The following EIF3E variants were observed in gnomAD, a reference collection of about 807,000 sequenced individuals.
EIF3E encodes the protein eukaryotic translation initiation factor 3 subunit E.
In EIF3E, 25 loss-of-function variants were observed where a neutral mutation model predicts 59.3. That is an observed-to-expected ratio of 0.42 (90% CI 0.31 to 0.59). The LOEUF is 0.59. EIF3E is among the 20% of genes least tolerant of loss of function. The pLI, the probability that EIF3E is intolerant of heterozygous loss-of-function variation, is 0.15. For synonymous variants in EIF3E, 176 were observed against 170.2 expected, an observed-to-expected ratio of 1.03 and a Z score of -0.26; for missense variants, 317 against 534.3, an observed-to-expected ratio of 0.59 and a Z score of 4.01.
At chr8:108,238,241 G>A (rs1471929670) in intron 3 of EIF3E, among the ~76,000 whole-genome samples, 1 of 152,150 alleles carries the variant, frequency 6.6e-6, no homozygotes, top group African/African-American at 2.4e-5. Flanking sequence ...CTCTGTCTAT[G>A]CGCATGATGT....
At chr8:108,242,130 A>G (rs991662412) in intron 1 of EIF3E, 1 of 1,431,904 alleles carries the variant, frequency 7.0e-7, no homozygotes, top group Non-Finnish European at 9.2e-7. Flanking sequence ...TTTAAAATGA[A>G]GAGAATTACT....
chr8:108,231,272 TTA>T (rs1332322887), intron 5 of EIF3E, among the ~76,000 whole-genome samples: 1 of 152,140 alleles, frequency 6.6e-6, no homozygotes, highest in African/African-American at 2.4e-5. Context: ...CATTATTATT[TTA>T]TGTTTCTAAA....
At chr8:108,245,216 C>A (rs900479012) in intron 1 of EIF3E, among the ~76,000 whole-genome samples, 3 of 152,008 alleles carry the variant, frequency 2.0e-5, no homozygotes, top group Admixed American at 2.0e-4. Context: ...TCTGTAATCC[C>A]AGCACTTTGC....
At chr8:108,204,746 T>TATATATATAGAG (rs1354950271) in intron 10 of EIF3E, among the ~76,000 whole-genome samples, 31 of 113,644 alleles carry the variant, frequency 2.7e-4, no homozygotes, top group East Asian at 8.6e-4. Flanking sequence ...TATATATATA[T>TATATATATAGAG]AGAGAGAGAG....
rs35642365 is a variant in EIF3E, at chr8:108,218,782, CTT to C, written c.723-1324_723-1323del. On this transcript the variant is annotated intron_variant, in intron 7 of 12. Transcript: ENST00000220849. ...GTGATTTTATTTTTTTATTTTATTT[CTT>C]TTTTTTTTTTTTTTTTTGAGACGAA... 6.9e-3 allele frequency among the ~76,000 whole-genome samples: 772 copies of C among 111,112 alleles called. 7 individuals carry two copies. The highest frequency in any genetic ancestry group is 0.024 in the African/African-American group (678 of 28,684). The allele number at this position is 111,112 out of a possible 152,430, so 72.9% of individuals were successfully genotyped here.
intron 5 of EIF3E, chr8:108,229,480 T>C (rs1481954547): frequency 9.6e-6 from 2 of 209,174 alleles, no homozygotes; most frequent in Non-Finnish European, 1.9e-5. Context: ...AGATAATTTA[T>C]ACATAACTAA....
chr8:108,248,690 C>T lies in EIF3E; in HGVS notation c.13G>A (p.Asp5Asn). The change falls in exon 1 of 13, where the codon GAC (aspartate) becomes AAC (asparagine). Residue 5 changes from aspartate to asparagine, a missense_variant. This residue lies in a region of EIF3E where 30 missense variants were observed against 22.2 expected (regional missense o/e 1.35). Coordinates refer to ENST00000220849, the MANE Select transcript of EIF3E (RefSeq NM_001568.3). ...AAGTGCGCGATGCGAGTAGTCAAGT[C>T]GTACTCCGCCATCTTGCCAAAGAAA... MAEY[D>N]LTTRIAHFLD... 1 of 1,614,168 alleles carries T rather than the reference C, an allele frequency of 6.2e-7. No individual in the cohort carries two copies. Among genetic ancestry groups the T allele is most frequent in the Non-Finnish European group, 8.5e-7 (1 of 1,180,022 alleles).
At position 108,234,954 on chromosome 8, in the gene EIF3E, A is replaced by G. The variant is rs747821965; in HGVS notation, c.471+44T>C. The stretch of plus-strand genomic sequence containing the variant: ...TTTTGAAGAACCAAGGGAATCCTAC[A>G]AAAGACAAAAAAAAAAAAAAAAAAA... On this transcript the variant is annotated intron_variant, in intron 5 of 12. Transcript: ENST00000220849. 8 of 1,300,004 alleles carry G rather than the reference A, an allele frequency of 6.2e-6. No individual in the cohort carries two copies. The Admixed American group carries it at 1.5e-4, about 25-fold the overall frequency. 80.5% of individuals were successfully genotyped at this position (1,300,004 alleles called of 1,614,324 possible).
intron 7 of EIF3E, among the ~76,000 whole-genome samples, chr8:108,219,209 C>T (rs1586197628): frequency 1.3e-5 from 2 of 152,116 alleles, no homozygotes; most frequent in Admixed American, 1.3e-4. Context: ...TTTTACTTAT[C>T]CTGAGTTTAT....
At chr8:108,206,368 C>A (rs1815100671) in intron 10 of EIF3E, among the ~76,000 whole-genome samples, 1 of 152,016 alleles carries the variant, frequency 6.6e-6, no homozygotes. Flanking sequence ...GTGGAAGGAC[C>A]TATGTATGTG....
chr8:108,210,842 C>T lies in EIF3E; in HGVS notation c.1061+3765G>A, dbSNP rs917024045. Among the ~76,000 whole-genome samples, 22 of 151,742 alleles carry T rather than the reference C, an allele frequency of 1.4e-4. No individual in the cohort carries two copies. The East Asian group carries it at 1.5e-3, about 11-fold the overall frequency. On this transcript the variant is annotated intron_variant, in intron 10 of 12. Coordinates refer to ENST00000220849, the MANE Select transcript of EIF3E (RefSeq NM_001568.3). ...ATTCCCACCTATGAGTGAGAACATGCGGTGTTTGGTTTTCTGTCCTTGTGA... is the reference window on the plus strand; with the variant it reads ...ATTCCCACCTATGAGTGAGAACATGTGGTGTTTGGTTTTCTGTCCTTGTGA...
chr8:108,215,797 G>A (rs1299499819), intron 9 of EIF3E, among the ~76,000 whole-genome samples: 1 of 152,134 alleles, frequency 6.6e-6, no homozygotes, highest in African/African-American at 2.4e-5. Context: ...TTAGCAGTTA[G>A]AATTCTTAGT....
At chr8:108,221,484 TTACC>T (rs1815412069) in intron 7 of EIF3E, 1 of 152,210 alleles carries the variant, frequency 6.6e-6, no homozygotes, top group African/African-American at 2.4e-5. Flanking sequence ...TATTATTAGC[TTACC>T]TACAGTGTCA....
intron 3 of EIF3E, among the ~76,000 whole-genome samples, chr8:108,239,305 C>A (rs1279364874): frequency 6.6e-6 from 1 of 152,162 alleles, no homozygotes; most frequent in African/African-American, 2.4e-5. Context: ...ACCTCAGCCT[C>A]CCAAGTAGCA....
chr8:108,248,669 G>T lies in EIF3E; in HGVS notation c.34C>A (p.His12Asn), dbSNP rs1815996870. 7 of 1,614,196 alleles carry T rather than the reference G, an allele frequency of 4.3e-6. No individual in the cohort carries two copies. Among genetic ancestry groups the T allele is most frequent in the African/African-American group, 1.3e-5 (1 of 75,052 alleles). ...AEYDLTTRIA[H>N]FLDRHLVFPL... ...AAGACTAGATGCCGATCCAAAAAGT[G>T]CGCGATGCGAGTAGTCAAGTCGTAC... The change falls in exon 1 of 13, where the codon CAC becomes AAC. Residue 12 changes from histidine (H) to asparagine (N), a missense_variant. Physicochemically the swap from His to Asn is moderately conservative, Grantham distance 68. This residue lies in a region of EIF3E where 30 missense variants were observed against 22.2 expected (regional missense o/e 1.35). Coordinates refer to ENST00000220849, the MANE Select transcript of EIF3E (RefSeq NM_001568.3).
chr8:108,219,728 T>C (rs1390502613), intron 7 of EIF3E, among the ~76,000 whole-genome samples: 2 of 151,478 alleles, frequency 1.3e-5, no homozygotes, highest in Non-Finnish European at 2.9e-5. Flanking sequence ...ATAATAATAA[T>C]AAAATTGAGG....
chr8:108,216,829 A>G (rs987592475), intron 8 of EIF3E, among the ~76,000 whole-genome samples: 5 of 152,222 alleles, frequency 3.3e-5, no homozygotes, highest in African/African-American at 1.2e-4. Context: ...TTCATTCCCT[A>G]CTGAATGACA....
At position 108,239,954 on chromosome 8, in the gene EIF3E, T is replaced by C. The variant is rs1281324178; in HGVS notation, c.323+4A>G. On this transcript the variant is annotated splice_donor_region_variant and intron_variant, in intron 3 of 12. Transcript: ENST00000220849. Reference sequence around the variant, plus strand: ...TTTAGAATTCAAAATTAAGACGAGTTTACCTGGTTGACTGCATTTGCCTTG... The same window carrying C: ...TTTAGAATTCAAAATTAAGACGAGTCTACCTGGTTGACTGCATTTGCCTTG... 2 of 1,607,892 alleles carry C rather than the reference T, an allele frequency of 1.2e-6. No homozygotes were observed. Among genetic ancestry groups the C allele is most frequent in the African/African-American group, 2.7e-5 (2 of 74,718 alleles).
chr8:108,242,290 T>A (rs1339686108), intron 1 of EIF3E: 1 of 1,290,668 alleles, frequency 7.7e-7, no homozygotes, highest in Middle Eastern at 2.1e-4. Flanking sequence ...CTTCTCCACA[T>A]CCAGGTAATC....
Sources: allele counts gnomAD v4.1 joint callset (sites outside exome capture counted in the v4.1 genomes callset), GRCh38; gene constraint gnomAD v4.1.1; regional missense constraint gnomAD v4.1.1; transcripts MANE v1.5; gene names NCBI Gene and HGNC (gene_info 2026-07-23, HGNC 2026-07-21).